The following PDE1C variants were observed in gnomAD, a reference collection of about 807,000 sequenced individuals.
PDE1C encodes the protein dual specificity calcium/calmodulin-dependent 3',5'-cyclic nucleotide phosphodiesterase 1C.
Under a neutral mutation model 93.1 loss-of-function variants are expected in PDE1C, and 62 were observed. That is an observed-to-expected ratio of 0.67 (90% CI 0.54 to 0.82). The LOEUF (loss-of-function observed/expected upper bound fraction) is 0.82, where lower values mean the gene tolerates loss of function less well. Ranked by LOEUF, PDE1C falls within the 40% of genes least tolerant of loss-of-function variation. The pLI is 0.00. For synonymous variants in PDE1C, 325 were observed against 310.1 expected (o/e 1.05, Z -0.50); for missense variants, 742 against 884.6 (o/e 0.84, Z 2.04).
the PDE1C span, among the ~76,000 whole-genome samples, chr7:31,744,531 A>G: frequency 5.3e-5 from 8 of 152,130 alleles, no homozygotes; most frequent in Non-Finnish European, 1.2e-4. Context: ...CTGTTGCTTG[A>G]GTACATCAAA....
the PDE1C span, among the ~76,000 whole-genome samples, chr7:31,682,906 TTTATATAACATTCCCGAAA>T: frequency 6.6e-6 from 1 of 152,200 alleles, no homozygotes; most frequent in African/African-American, 2.4e-5. Flanking sequence ...TATGATTTAA[TTTATATAACATTCCCGAAA>T]TAATAAAATG....
chr7:31,984,934 C>T (rs1252453820), intron 2 of PDE1C, among the ~76,000 whole-genome samples: 1 of 152,178 alleles, frequency 6.6e-6, no homozygotes, highest in Non-Finnish European at 1.5e-5. Context: ...AAACATCGTC[C>T]TTCAGAGTAG....
intron 1 of PDE1C, among the ~76,000 whole-genome samples, chr7:32,389,484 T>C (rs1464365873): frequency 6.6e-6 from 1 of 152,168 alleles, no homozygotes; most frequent in African/African-American, 2.4e-5. Context: ...CCCAAAGTGC[T>C]GGGATAACAG....
At chr7:32,402,667 C>A (rs1784972768) in intron 1 of PDE1C, among the ~76,000 whole-genome samples, 1 of 152,144 alleles carries the variant, frequency 6.6e-6, no homozygotes, top group Non-Finnish European at 1.5e-5. Flanking sequence ...TTTGGGCATC[C>A]CTTAGTGCAG....
At chr7:31,919,122 A>C (rs1802297867) in intron 2 of PDE1C, among the ~76,000 whole-genome samples, 1 of 152,226 alleles carries the variant, frequency 6.6e-6, no homozygotes, top group Admixed American at 6.5e-5. Context: ...AGATATTAAA[A>C]ATAGAAAACT....
At chr7:32,421,239 T>G (rs774267898) in intron 1 of PDE1C, among the ~76,000 whole-genome samples, 32 of 152,304 alleles carry the variant, frequency 2.1e-4, no homozygotes, top group Admixed American at 4.6e-4. Context: ...CCACATGAAC[T>G]GCTTTGTGGA....
chr7:31,947,473 C>G (rs981321638), intron 2 of PDE1C, among the ~76,000 whole-genome samples: 11 of 152,266 alleles, frequency 7.2e-5, no homozygotes, highest in Non-Finnish European at 1.0e-4. Flanking sequence ...TACTTAAAAG[C>G]CAGCAGGCCT....
At chr7:31,775,824 G>A (rs1472557579) in intron 16 of PDE1C, 92 bp from the exon 17 acceptor site, 14 of 1,096,708 alleles carry the variant, frequency 1.3e-5, no homozygotes, top group Non-Finnish European at 1.6e-5. Flanking sequence ...ATCAAGTTGG[G>A]GTCTGAAAAC....
intron 2 of PDE1C, among the ~76,000 whole-genome samples, chr7:32,176,239 C>T (rs531640990): frequency 5.3e-5 from 8 of 151,980 alleles, no homozygotes; most frequent in South Asian, 2.1e-4. Context: ...TATCCCAAAG[C>T]GAAAGATCTC....
chr7:31,626,765 G>A, the PDE1C span, among the ~76,000 whole-genome samples: 1 of 152,140 alleles, frequency 6.6e-6, no homozygotes, highest in Non-Finnish European at 1.5e-5. Context: ...CACATGCTCA[G>A]AGTTCATTCT....
At chr7:31,859,253 T>G (rs1207946872) in intron 7 of PDE1C, among the ~76,000 whole-genome samples, 1 of 149,084 alleles carries the variant, frequency 6.7e-6, no homozygotes, top group Non-Finnish European at 1.5e-5. Flanking sequence ...TGAGAGAGAG[T>G]CAGGATCACA....
intron 3 of PDE1C, among the ~76,000 whole-genome samples, chr7:32,154,322 G>A (rs1303020179): frequency 1.3e-5 from 2 of 151,982 alleles, no homozygotes; most frequent in African/African-American, 4.8e-5. Context: ...ATGGAGATTA[G>A]GCACTACACT....
the PDE1C span, among the ~76,000 whole-genome samples, chr7:31,716,552 A>G: frequency 6.6e-6 from 1 of 152,222 alleles, no homozygotes; most frequent in South Asian, 2.1e-4. Flanking sequence ...TCCATAAATT[A>G]TTGTGCAATA....
At chr7:32,047,824 T>C (rs1792809093) in intron 2 of PDE1C, among the ~76,000 whole-genome samples, 1 of 152,198 alleles carries the variant, frequency 6.6e-6, no homozygotes, top group Non-Finnish European at 1.5e-5. Context: ...TCCTGGGCTG[T>C]CTTCCCTTTG....
chr7:32,155,982 G>C (rs78680990), intron 3 of PDE1C, among the ~76,000 whole-genome samples: 188 of 152,262 alleles, frequency 1.2e-3, no homozygotes, highest in African/African-American at 4.4e-3. Flanking sequence ...AGAAGACTGG[G>C]ATGATTCACC....
At chr7:32,038,727 T>C (rs1246318880) in intron 2 of PDE1C, among the ~76,000 whole-genome samples, 1 of 152,158 alleles carries the variant, frequency 6.6e-6, no homozygotes, top group Non-Finnish European at 1.5e-5. Context: ...CAAAAGTAAG[T>C]CACTGATATC....
At chr7:31,840,455 T>G (rs977215096) in intron 9 of PDE1C, among the ~76,000 whole-genome samples, 2 of 152,114 alleles carry the variant, frequency 1.3e-5, no homozygotes, top group Non-Finnish European at 2.9e-5. Context: ...GAGCAAAAGG[T>G]TTAATTTTTA....
chr7:32,380,321 T>C (rs1324501714), intron 1 of PDE1C, among the ~76,000 whole-genome samples: 4 of 151,720 alleles, frequency 2.6e-5, no homozygotes, highest in African/African-American at 9.7e-5. Flanking sequence ...CACTGAAAAC[T>C]CCGCCTCCCA....
chr7:31,619,555 T>C, the PDE1C span, among the ~76,000 whole-genome samples: 7 of 148,664 alleles, frequency 4.7e-5, no homozygotes, highest in African/African-American at 1.2e-4. Flanking sequence ...CTCATTCATC[T>C]ATGCTGAGGA....
Sources: allele counts gnomAD v4.1 joint callset (sites outside exome capture counted in the v4.1 genomes callset), GRCh38; gene constraint gnomAD v4.1.1; transcripts MANE v1.5; gene names NCBI Gene and HGNC (gene_info 2026-07-23, HGNC 2026-07-21).